Variants in PRKN observed in about 807,000 individuals in gnomAD.
PRKN encodes the protein E3 ubiquitin-protein ligase parkin.
PRKN carries 56 observed loss-of-function variants against 59.5 expected under a neutral mutation model. The observed-to-expected ratio is 0.94, with a 90% CI of 0.76 to 1.18. The LOEUF (loss-of-function observed/expected upper bound fraction) is 1.18, where lower values mean the gene tolerates loss of function less well. Ranked by LOEUF, PRKN falls within the 50% of genes most tolerant of loss-of-function variation. The pLI is 0.00. For synonymous variants in PRKN, 250 were observed against 222.1 expected, an observed-to-expected ratio of 1.13 and a Z score of -1.12; for missense variants, 657 against 596.4, an observed-to-expected ratio of 1.10 and a Z score of -1.06.
intron 4 of PRKN, among the ~76,000 whole-genome samples, chr6:162,075,010 C>T (rs527598178): frequency 8.5e-5 from 13 of 152,116 alleles, no homozygotes; most frequent in African/African-American, 1.4e-4. Context: ...TTCACATGAA[C>T]GCACTCTTAA....
At chr6:162,338,977 G>A (rs577491477) in intron 2 of PRKN, among the ~76,000 whole-genome samples, 9 of 149,566 alleles carry the variant, frequency 6.0e-5, no homozygotes, top group Middle Eastern at 3.7e-3. Context: ...GTCTCTGCCC[G>A]GCCACCCTGT....
chr6:161,886,792 C>A (rs1795172031), intron 6 of PRKN, among the ~76,000 whole-genome samples: 1 of 150,738 alleles, frequency 6.6e-6, no homozygotes, highest in African/African-American at 2.4e-5. Context: ...TAATAAAATT[C>A]TAGAAGTCTC....
At chr6:162,213,075 T>G (rs769194756) in intron 3 of PRKN, among the ~76,000 whole-genome samples, 2 of 152,146 alleles carry the variant, frequency 1.3e-5, no homozygotes, top group Non-Finnish European at 2.9e-5. Flanking sequence ...AGATATAAAT[T>G]GATAATTTAT....
chr6:161,965,175 A>C (rs1441786463), intron 6 of PRKN, among the ~76,000 whole-genome samples: 1 of 152,024 alleles, frequency 6.6e-6, no homozygotes, highest in Non-Finnish European at 1.5e-5. Context: ...GGCCCAAGTA[A>C]ATCTTTTAAG....
intron 7 of PRKN, among the ~76,000 whole-genome samples, chr6:161,697,363 G>T (rs987116869): frequency 3.3e-5 from 5 of 152,148 alleles, no homozygotes; most frequent in African/African-American, 1.2e-4. Flanking sequence ...CCTATGAAAA[G>T]CTACAAAGAT....
chr6:161,762,901 T>C (rs148464108), intron 7 of PRKN, among the ~76,000 whole-genome samples: 2 of 152,302 alleles, frequency 1.3e-5, no homozygotes, highest in African/African-American at 4.8e-5. Context: ...GAGACAATTA[T>C]ACAAATGTAT....
intron 4 of PRKN, among the ~76,000 whole-genome samples, chr6:162,115,477 C>G (rs1453539998): frequency 6.7e-6 from 1 of 150,158 alleles, no homozygotes; most frequent in Non-Finnish European, 1.5e-5. Flanking sequence ...CACATGTACC[C>G]TAAAACTTAA....
At chr6:161,872,776 C>T (rs536048866) in intron 6 of PRKN, among the ~76,000 whole-genome samples, 1 of 152,182 alleles carries the variant, frequency 6.6e-6, no homozygotes, top group South Asian at 2.1e-4. Context: ...CTGCCTCAGG[C>T]TCTGCTTCCT....
intron 2 of PRKN, chr6:162,275,331 A>G (rs1430486238): frequency 2.0e-5 from 3 of 151,798 alleles, no homozygotes; most frequent in Non-Finnish European, 4.4e-5. Context: ...ACATATTTCT[A>G]TCAAGATAAA....
intron 3 of PRKN, among the ~76,000 whole-genome samples, chr6:162,209,981 T>G (rs1177445511): frequency 1.3e-5 from 2 of 151,844 alleles, no homozygotes; most frequent in East Asian, 3.9e-4. Context: ...GGGGGAGGGA[T>G]AGCATTAGGA....
chr6:161,987,609 T>C (rs145166211), intron 5 of PRKN, among the ~76,000 whole-genome samples: 162 of 152,368 alleles, frequency 1.1e-3, no homozygotes, highest in Non-Finnish European at 2.0e-3. Flanking sequence ...ACTGCATTAC[T>C]TTTTAAATTT....
intron 7 of PRKN, among the ~76,000 whole-genome samples, chr6:161,750,905 G>A (rs1788665330): frequency 6.6e-6 from 1 of 151,964 alleles, no homozygotes; most frequent in South Asian, 2.1e-4. Flanking sequence ...ATTAGTCATC[G>A]AAAAGGAATG....
intron 6 of PRKN, among the ~76,000 whole-genome samples, chr6:161,840,434 T>A (rs1792936419): frequency 6.6e-6 from 1 of 152,208 alleles, no homozygotes; most frequent in Admixed American, 6.5e-5. Flanking sequence ...AAAAGCCCCA[T>A]CCATTCCGCT....
At chr6:162,571,579 G>A (rs1337076105) in intron 1 of PRKN, among the ~76,000 whole-genome samples, 1 of 152,052 alleles carries the variant, frequency 6.6e-6, no homozygotes, top group African/African-American at 2.4e-5. Flanking sequence ...CTAGTATGGA[G>A]GACTGGGTAG....
chr6:162,616,554 TAC>T (rs1782429563), intron 1 of PRKN, among the ~76,000 whole-genome samples: 3 of 152,288 alleles, frequency 2.0e-5, no homozygotes, highest in Non-Finnish European at 2.9e-5. Context: ...TATAACTCAC[TAC>T]ACAGTTTTTA....
intron 4 of PRKN, among the ~76,000 whole-genome samples, chr6:162,200,027 G>A (rs945804975): frequency 1.3e-5 from 2 of 152,080 alleles, no homozygotes; most frequent in South Asian, 2.1e-4. Flanking sequence ...CCTCAATAGC[G>A]TTTGACACAT....
chr6:162,112,323 A>T (rs749061442), intron 4 of PRKN, among the ~76,000 whole-genome samples: 9 of 152,192 alleles, frequency 5.9e-5, no homozygotes, highest in Non-Finnish European at 1.3e-4. Context: ...TATGAAACTG[A>T]TAATAATTTT....
chr6:162,103,158 C>T (rs1314698313), intron 4 of PRKN, among the ~76,000 whole-genome samples: 3 of 150,968 alleles, frequency 2.0e-5, no homozygotes, highest in African/African-American at 7.3e-5. Context: ...GTGAGTTCCA[C>T]TAAACTCTCA....
At chr6:161,494,857 G>A (rs1169206824) in intron 9 of PRKN, among the ~76,000 whole-genome samples, 1 of 152,108 alleles carries the variant, frequency 6.6e-6, no homozygotes, top group Non-Finnish European at 1.5e-5. Context: ...AGTTCTTCTA[G>A]GATTCATCCC....
Sources: allele counts gnomAD v4.1 joint callset (sites outside exome capture counted in the v4.1 genomes callset), GRCh38; gene constraint gnomAD v4.1.1; transcripts MANE v1.5; gene names NCBI Gene and HGNC (gene_info 2026-07-23, HGNC 2026-07-21).